Variants in MCCC2 observed in about 807,000 individuals in gnomAD.
MCCC2 encodes the protein methylcrotonyl-CoA carboxylase subunit 2, also known as methylcrotonoyl-CoA carboxylase beta chain, mitochondrial.
Under a neutral mutation model 77.2 loss-of-function variants are expected in MCCC2, and 52 were observed. The ratio of observed to expected loss-of-function variants is 0.67; its 90% CI spans 0.54 to 0.85. The LOEUF is 0.85. Ranked by LOEUF, MCCC2 falls within the 40% of genes least tolerant of loss-of-function variation. The probability of loss-of-function intolerance (pLI) is 0.00; values close to 1 mark genes in which losing one functional copy is unlikely to be tolerated. For synonymous variants in MCCC2, 253 were observed against 248.4 expected (o/e 1.02, Z -0.18); for missense variants, 682 against 703.2 (o/e 0.97, Z 0.34).
intron 16 of MCCC2, among the ~76,000 whole-genome samples, chr5:71,655,038 T>G (rs1747542721): frequency 6.6e-6 from 1 of 152,142 alleles, no homozygotes; most frequent in East Asian, 1.9e-4. Context: ...TTCTCCATGT[T>G]GGTCAGGCTT....
chr5:71,645,887 T>A (rs1425133603), intron 12 of MCCC2, among the ~76,000 whole-genome samples: 2 of 152,100 alleles, frequency 1.3e-5, no homozygotes, highest in Admixed American at 1.3e-4. Flanking sequence ...TTCTATAAGG[T>A]AAGACTAGCC....
chr5:71,651,046 T>C (rs10070161), intron 15 of MCCC2, among the ~76,000 whole-genome samples: 121,472 of 152,034 alleles, frequency 0.8, 49,864 homozygotes, highest in East Asian at 0.98. Flanking sequence ...CCCAAAGTGC[T>C]GGGATTACAG....
In MCCC2 at chr5:71,598,270, C is replaced by T. The variant is rs1263378805; in HGVS notation, c.282-1389C>T. ...ATTTTTAGTAGAGACGGGGTTTCACCATGTTGCCCAGGATGGTCTCAATCT... is the reference window on the plus strand; with the variant it reads ...ATTTTTAGTAGAGACGGGGTTTCACTATGTTGCCCAGGATGGTCTCAATCT... On this transcript the variant is annotated intron_variant, in intron 3 of 16. Transcript: ENST00000340941. Among the ~76,000 whole-genome samples the T allele has an allele frequency of 2.0e-5, 3 of 151,614 alleles. 1 individual carries two copies. The highest frequency in any genetic ancestry group is 1.3e-4 in the Admixed American group (2 of 15,198).
chr5:71,604,245 A>G, intron 5 of MCCC2, 111 bp from the exon 6 acceptor site: 1 of 926,596 alleles, frequency 1.1e-6, no homozygotes, highest in Non-Finnish European at 1.7e-6. Context: ...AAGACAGGGC[A>G]AGTTTTTTGT....
At chr5:71,617,563 G>A (rs1746201385) in intron 6 of MCCC2, among the ~76,000 whole-genome samples, 1 of 152,084 alleles carries the variant, frequency 6.6e-6, no homozygotes, top group Non-Finnish European at 1.5e-5. Context: ...GATATTGAGT[G>A]GTTCTGTTTC....
chr5:71,656,704 G>T, intron 16 of MCCC2, 39 bp from the exon 17 acceptor site: 1 of 1,488,904 alleles, frequency 6.7e-7, no homozygotes, highest in Non-Finnish European at 9.4e-7. Context: ...ATGGTAGTTT[G>T]GTGGTAAATT....
At chr5:71,597,898 C>T (rs140148111) in intron 3 of MCCC2, among the ~76,000 whole-genome samples, 50 of 152,252 alleles carry the variant, frequency 3.3e-4, no homozygotes, top group Non-Finnish European at 6.9e-4. Flanking sequence ...GGTTAAGAGC[C>T]TGGCCCCTGG....
At chr5:71,655,653 C>CT (rs1747558265) in intron 16 of MCCC2, among the ~76,000 whole-genome samples, 1 of 152,106 alleles carries the variant, frequency 6.6e-6, no homozygotes, top group African/African-American at 2.4e-5. Flanking sequence ...TGATTCATGT[C>CT]TGTCAATGTA....
chr5:71,647,370 T>C (rs1747298265), intron 13 of MCCC2, among the ~76,000 whole-genome samples: 1 of 152,320 alleles, frequency 6.6e-6, no homozygotes, highest in Non-Finnish European at 1.5e-5. Context: ...AGAGAAGTTA[T>C]ATCCAAATGG....
intron 10 of MCCC2, among the ~76,000 whole-genome samples, chr5:71,637,959 G>A (rs548664219): frequency 1.2e-4 from 19 of 152,088 alleles, no homozygotes; most frequent in Admixed American, 3.3e-4. Context: ...TGATCTGCCC[G>A]CCTCGGCCTC....
At chr5:71,649,290 G>A (rs1747366838) in intron 14 of MCCC2, 37 bp downstream of exon 14, 2 of 1,581,844 alleles carry the variant, frequency 1.3e-6, no homozygotes, top group Non-Finnish European at 8.7e-7. Context: ...AAAGAAACAT[G>A]CTTCAAGTAT....
At position 71,643,885 on chromosome 5, in the gene MCCC2, C is replaced by T. The variant is rs777262930; in HGVS notation, c.1139C>T (p.Ser380Phe). Residue 380 changes from serine to phenylalanine, a missense_variant, in exon 12 of 17, where the codon TCT becomes TTT. By Grantham distance (155) the Ser-to-Phe change is radical. Transcript: ENST00000340941. Reference sequence around the variant, plus strand: ...AACAACGGAGTTCTCTTTTCTGAATCTGCAAAAAAGGCAAGTACTGTTAAA... The same window carrying T: ...AACAACGGAGTTCTCTTTTCTGAATTTGCAAAAAAGGCAAGTACTGTTAAA... Reference protein sequence around the residue: ...VGNNGVLFSESAKKGTHFVQL... With the variant: ...VGNNGVLFSEFAKKGTHFVQL... 1 of 1,613,880 alleles carries T rather than the reference C, an allele frequency of 6.2e-7. No homozygotes were observed. Among genetic ancestry groups the T allele is most frequent in the Admixed American group, 1.7e-5 (1 of 59,994 alleles).
intron 15 of MCCC2, 139 bp downstream of exon 15, chr5:71,650,322 G>A: frequency 1.5e-6 from 1 of 686,708 alleles, no homozygotes; most frequent in East Asian, 2.7e-5. Flanking sequence ...TATTTAGACT[G>A]TGCTGCCCTG....
chr5:71,643,939 A>T (rs769877086), intron 12 of MCCC2, 44 bp downstream of exon 12: 1 of 1,611,604 alleles, frequency 6.2e-7, no homozygotes, highest in South Asian at 1.1e-5. Flanking sequence ...GTTTTAATTT[A>T]ACATAACGTT....
chr5:71,633,124 TATATATATTTTTA>T (rs1561841415), intron 8 of MCCC2, among the ~76,000 whole-genome samples: 5 of 80,630 alleles, frequency 6.2e-5, no homozygotes, highest in African/African-American at 2.2e-4. Flanking sequence ...TATATATATA[TATATATATTTTTA>T]TTTTTTGTAG....
Position 71,599,767 on chromosome 5 carries a change from A to G in MCCC2, c.383+7A>G. The G allele has an allele frequency of 6.2e-7, 1 of 1,608,046 alleles. No individual in the cohort carries two copies. On this transcript the variant is annotated splice_region_variant and intron_variant, in intron 4 of 16. Transcript: ENST00000340941. ...GCATTGGAAGAGTATCAGGGTGAGTATTCTACTTGTGCTTCATAATGTGGG... is the reference window on the plus strand; with the variant it reads ...GCATTGGAAGAGTATCAGGGTGAGTGTTCTACTTGTGCTTCATAATGTGGG...
Position 71,646,328 on chromosome 5 carries a change from A to G in MCCC2, c.1216+51A>G, listed in dbSNP as rs374272816. ...GTTGTATTGATTCCAGAGCTGTACC[A>G]TCAGTGTGGCTCATGTATTGGACAG... On this transcript the variant is annotated intron_variant, in intron 13 of 16. Transcript: ENST00000340941. The G allele has an allele frequency of 4.7e-4, 722 of 1,543,080 alleles. 1 individual carries two copies. The highest frequency in any genetic ancestry group is 6.1e-4 in the Non-Finnish European group (678 of 1,116,540).
intron 2 of MCCC2, among the ~76,000 whole-genome samples, chr5:71,595,549 A>AGATGAAAT (rs1745151553): frequency 6.6e-6 from 1 of 152,202 alleles, no homozygotes. Flanking sequence ...GACTATATTA[A>AGATGAAAT]GATGAAATTC....
intron 2 of MCCC2, among the ~76,000 whole-genome samples, chr5:71,594,951 T>G (rs999108010): frequency 2.1e-5 from 3 of 144,334 alleles, no homozygotes; most frequent in Admixed American, 1.4e-4. Context: ...CAGGCTGGGG[T>G]GTAGTGGCGC....
Sources: gnomAD v4.1 joint callset for allele counts (sites outside exome capture counted in the v4.1 genomes callset) on GRCh38, gnomAD v4.1.1 for gene constraint, MANE v1.5 for transcripts, NCBI Gene and HGNC (gene_info 2026-07-23, HGNC 2026-07-21) for gene names.